The following STX8 variants were observed in gnomAD, a reference collection of about 807,000 sequenced individuals.
STX8 encodes syntaxin 8.
Under a neutral mutation model 37.5 loss-of-function variants are expected in STX8, and 23 were observed. The ratio of observed to expected loss-of-function variants is 0.61; its 90% CI spans 0.44 to 0.87. The LOEUF is 0.87. Ranked by LOEUF, STX8 falls within the 40% of genes least tolerant of loss-of-function variation. The pLI is 0.00. For synonymous variants in STX8, 115 were observed against 99.1 expected (o/e 1.16, Z -0.95); for missense variants, 313 against 284.7 (o/e 1.10, Z -0.71).
chr17:9,464,279 A>T (rs1164009290), intron 6 of STX8, among the ~76,000 whole-genome samples: 1 of 148,812 alleles, frequency 6.7e-6, no homozygotes, highest in East Asian at 1.9e-4. Context: ...GTGGTGAGGG[A>T]TGTAAATTAT....
intron 2 of STX8, among the ~76,000 whole-genome samples, chr17:9,564,755 A>G (rs900802916): frequency 6.6e-6 from 1 of 152,244 alleles, no homozygotes; most frequent in Admixed American, 6.5e-5. Flanking sequence ...GCAAGAAGCA[A>G]TATCGTTAAA....
intron 7 of STX8, among the ~76,000 whole-genome samples, chr17:9,359,500 CATA>C (rs777209603): frequency 2.2e-5 from 3 of 137,820 alleles, no homozygotes; most frequent in Non-Finnish European, 4.7e-5. Context: ...AATGCTGAGA[CATA>C]TTTTTTTTTT....
chr17:9,277,207 A>G lies in STX8; in HGVS notation c.644-26562T>C, dbSNP rs556605525. Among the ~76,000 whole-genome samples, 141 of 152,296 alleles carry G rather than the reference A, an allele frequency of 9.3e-4. 1 individual carries two copies. Among genetic ancestry groups the G allele is most frequent in the Non-Finnish European group, 1.4e-3 (95 of 68,042 alleles). ...TGAACATCTTCATGACTTAAAAATG[A>G]GTAAGGAACACATCCTTTTCTGGTT... On this transcript the variant is annotated intron_variant, in intron 7 of 7. Transcript: ENST00000306357.
intron 7 of STX8, among the ~76,000 whole-genome samples, chr17:9,364,884 T>C (rs984807151): frequency 6.6e-6 from 1 of 152,208 alleles, no homozygotes; most frequent in African/African-American, 2.4e-5. Flanking sequence ...GCAGTTTATA[T>C]AAATATGGTC....
chr17:9,308,551 T>C (rs1338699380), intron 7 of STX8, among the ~76,000 whole-genome samples: 1 of 151,838 alleles, frequency 6.6e-6, no homozygotes, highest in Admixed American at 6.6e-5. Flanking sequence ...GGTGAAACCC[T>C]GTCTCTACTA....
intron 7 of STX8, among the ~76,000 whole-genome samples, chr17:9,349,391 C>T (rs1345959513): frequency 6.8e-6 from 1 of 145,986 alleles, no homozygotes; most frequent in Non-Finnish European, 1.5e-5. Context: ...CGCAATCTCG[C>T]CTCACTGTAA....
chr17:9,415,250 T>C (rs1482028841), intron 6 of STX8, among the ~76,000 whole-genome samples: 2 of 152,152 alleles, frequency 1.3e-5, no homozygotes, highest in Non-Finnish European at 2.9e-5. Flanking sequence ...TTTAAACACA[T>C]CAGCCTGGGG....
intron 7 of STX8, among the ~76,000 whole-genome samples, chr17:9,253,634 A>G (rs572020235): frequency 6.6e-6 from 1 of 152,160 alleles, no homozygotes; most frequent in South Asian, 2.1e-4. Flanking sequence ...GCAGCTGAGG[A>G]GATGAGGGAG....
chr17:9,400,285 A>G (rs1238998521), intron 6 of STX8, among the ~76,000 whole-genome samples: 1 of 151,120 alleles, frequency 6.6e-6, no homozygotes, highest in African/African-American at 2.4e-5. Flanking sequence ...TGTATTTTTA[A>G]TAGAGACGGG....
In STX8 at chr17:9,277,186, C is replaced by T. The variant is rs116351151; in HGVS notation, c.644-26541G>A. 2.0e-3 allele frequency among the ~76,000 whole-genome samples: 307 copies of T among 152,296 alleles called. 2 individuals carry two copies. The highest frequency in any genetic ancestry group is 6.8e-3 in the Middle Eastern group (2 of 294). On this transcript the variant is annotated intron_variant, in intron 7 of 7. Coordinates refer to ENST00000306357, the MANE Select transcript of STX8 (RefSeq NM_004853.3). ...CGTCAGTAGGTTTAATGCGGATGAA[C>T]ATCTTCATGACTTAAAAATGAGTAA...
At chr17:9,254,476 G>A (rs997353598) in intron 7 of STX8, among the ~76,000 whole-genome samples, 43 of 151,774 alleles carry the variant, frequency 2.8e-4, no homozygotes, top group African/African-American at 9.4e-4. Context: ...GCTCACTGCA[G>A]CCTCCGCCTC....
intron 7 of STX8, among the ~76,000 whole-genome samples, chr17:9,335,487 C>G (rs909916988): frequency 1.3e-5 from 2 of 152,120 alleles, no homozygotes; most frequent in South Asian, 4.1e-4. Flanking sequence ...TAATGGCAAT[C>G]AAATGTCAAT....
At chr17:9,260,485 G>A (rs990297775) in intron 7 of STX8, among the ~76,000 whole-genome samples, 16 of 152,106 alleles carry the variant, frequency 1.1e-4, no homozygotes, top group Admixed American at 2.6e-4. Flanking sequence ...TTAGCCAGGC[G>A]TGGTGGTGCA....
intron 6 of STX8, among the ~76,000 whole-genome samples, chr17:9,425,689 G>A (rs929637059): frequency 7.9e-5 from 12 of 152,078 alleles, no homozygotes; most frequent in East Asian, 7.7e-4. Context: ...AAATAATTGC[G>A]GTACAGCATT....
intron 4 of STX8, among the ~76,000 whole-genome samples, chr17:9,538,699 T>C (rs1242374288): frequency 1.3e-5 from 2 of 152,214 alleles, no homozygotes; most frequent in Non-Finnish European, 2.9e-5. Context: ...CTTCTTGACA[T>C]ACAACTACCA....
intron 7 of STX8, among the ~76,000 whole-genome samples, chr17:9,352,466 CTTTTT>C (rs745427686): frequency 2.3e-5 from 2 of 88,118 alleles, no homozygotes. Context: ...CTTACTCCCA[CTTTTT>C]TTTTTTTTTT....
chr17:9,339,165 C>T (rs1250599901), intron 7 of STX8, among the ~76,000 whole-genome samples: 1 of 152,038 alleles, frequency 6.6e-6, no homozygotes, highest in African/African-American at 2.4e-5. Flanking sequence ...GACCCAGAGC[C>T]ATCCCAGAAA....
At chr17:9,359,088 G>C (rs1399319008) in intron 7 of STX8, among the ~76,000 whole-genome samples, 1 of 151,490 alleles carries the variant, frequency 6.6e-6, no homozygotes, top group Non-Finnish European at 1.5e-5. Context: ...TGTTGCCCAG[G>C]CTGGAGTGCA....
chr17:9,330,618 C>CT (rs1341988000), intron 7 of STX8, among the ~76,000 whole-genome samples: 1 of 152,244 alleles, frequency 6.6e-6, no homozygotes, highest in Non-Finnish European at 1.5e-5. Context: ...TGCCCGTGCA[C>CT]TGGCTTCGGC....
Sources: allele counts gnomAD v4.1 joint callset (sites outside exome capture counted in the v4.1 genomes callset), GRCh38; gene constraint gnomAD v4.1.1; transcripts MANE v1.5; gene names NCBI Gene and HGNC (gene_info 2026-07-23, HGNC 2026-07-21).